Variants in GPA33 observed in about 807,000 individuals in gnomAD.
The protein encoded by GPA33 is cell surface A33 antigen.
Under a neutral mutation model 35.6 loss-of-function variants are expected in GPA33, and 27 were observed. That is an observed-to-expected ratio of 0.76 (90% CI 0.56 to 1.04). GPA33 has a LOEUF of 1.04. GPA33 is among the 50% of genes least tolerant of loss of function. The probability of loss-of-function intolerance (pLI) is 0.00; values close to 1 mark genes in which losing one functional copy is unlikely to be tolerated. For missense variants in GPA33, 428 were observed against 411.9 expected, an observed-to-expected ratio of 1.04 and a Z score of -0.34; for synonymous variants, 176 against 164.0, an observed-to-expected ratio of 1.07 and a Z score of -0.56.
At chr1:167,085,712 G>A (rs1355904916) in intron 1 of GPA33, among the ~76,000 whole-genome samples, 3 of 152,234 alleles carry the variant, frequency 2.0e-5, no homozygotes, top group Admixed American at 2.0e-4. Context: ...ATACCATTGA[G>A]CCCCCTAAAT....
chr1:167,066,997 G>T (rs771544178), intron 3 of GPA33, among the ~76,000 whole-genome samples: 4 of 152,204 alleles, frequency 2.6e-5, no homozygotes, highest in Non-Finnish European at 5.9e-5. Context: ...TAGCCTAGCT[G>T]CAAAGCCATT....
chr1:167,079,813 G>A (rs551575177), intron 1 of GPA33, among the ~76,000 whole-genome samples: 2 of 152,258 alleles, frequency 1.3e-5, no homozygotes, highest in East Asian at 3.9e-4. Context: ...GGCTTCTGAT[G>A]TTTGCAATCA....
At chr1:167,063,219 G>C (rs1026971528) in intron 4 of GPA33, among the ~76,000 whole-genome samples, 3 of 152,206 alleles carry the variant, frequency 2.0e-5, no homozygotes, top group African/African-American at 7.2e-5. Flanking sequence ...CCTGAGGTCA[G>C]GAGTTCAAGA....
chr1:167,063,484 G>A (rs948324864), intron 4 of GPA33, 98 bp downstream of exon 4: 40 of 1,054,628 alleles, frequency 3.8e-5, no homozygotes, highest in African/African-American at 1.3e-4. Flanking sequence ...GGCCTTCAGG[G>A]GGATCTGATC....
At chr1:167,060,311 G>A (rs1305805052) in intron 4 of GPA33, among the ~76,000 whole-genome samples, 1 of 152,070 alleles carries the variant, frequency 6.6e-6, no homozygotes, top group Non-Finnish European at 1.5e-5. Flanking sequence ...GTACTCAAGC[G>A]ATCCACCCGC....
chr1:167,056,709 A>ATGGC (rs1666285963), intron 4 of GPA33, among the ~76,000 whole-genome samples: 1 of 4,462 alleles, frequency 2.2e-4, no homozygotes. Flanking sequence ...TGGTGTGTGT[A>ATGGC]GTGTGTGTGT....
At chr1:167,066,265 A>G (rs921692145) in intron 3 of GPA33, among the ~76,000 whole-genome samples, 1 of 152,250 alleles carries the variant, frequency 6.6e-6, no homozygotes, top group African/African-American at 2.4e-5. Context: ...GAAGAAAAGT[A>G]ACTGAGGCCT....
intron 1 of GPA33, among the ~76,000 whole-genome samples, chr1:167,077,101 G>A (rs1666838545): frequency 6.6e-6 from 1 of 152,052 alleles, no homozygotes; most frequent in Non-Finnish European, 1.5e-5. Flanking sequence ...AGCTACTCAG[G>A]AGGCTGAGGC....
At chr1:167,071,435 C>A (rs1405544286) in intron 2 of GPA33, among the ~76,000 whole-genome samples, 2 of 152,172 alleles carry the variant, frequency 1.3e-5, no homozygotes, top group Admixed American at 6.5e-5. Flanking sequence ...GCGTGCAGTG[C>A]GCTTTGTGCA....
chr1:167,058,694 T>C (rs1294989679), intron 4 of GPA33, among the ~76,000 whole-genome samples: 1 of 152,194 alleles, frequency 6.6e-6, no homozygotes, highest in African/African-American at 2.4e-5. Flanking sequence ...GTATGTTTTC[T>C]GGAACATTGT....
chr1:167,063,862 A>G (rs1666527524), intron 3 of GPA33, 125 bp from the exon 4 acceptor site: 2 of 638,438 alleles, frequency 3.1e-6, no homozygotes, highest in Non-Finnish European at 2.6e-6. Flanking sequence ...AGAAAACTCC[A>G]TAGTTGAGTA....
rs539282850 is a variant in GPA33, at chr1:167,059,804, G to T, written c.571+3778C>A. Among the ~76,000 whole-genome samples the T allele has an allele frequency of 5.3e-5, 8 of 152,314 alleles. No homozygotes were observed. The South Asian group carries it at 1.7e-3, about 32-fold the overall frequency. ...GGCAGTACTAAGGGTCCGAGAGGCT[G>T]TGAGTGACTCACAGCTCCAAAGTGG... On this transcript the variant is annotated intron_variant, in intron 4 of 6. Coordinates refer to ENST00000367868, the MANE Select transcript of GPA33 (RefSeq NM_005814.3).
chr1:167,075,849 A>G (rs1174942125), intron 1 of GPA33, among the ~76,000 whole-genome samples: 2 of 152,236 alleles, frequency 1.3e-5, no homozygotes, highest in Admixed American at 1.3e-4. Flanking sequence ...CTAGGGAGAC[A>G]GGAAGAGAAC....
Position 167,059,090 on chromosome 1 carries a change from T to C in GPA33, c.572-3241A>G, listed in dbSNP as rs143084889. Among the ~76,000 whole-genome samples the C allele has an allele frequency of 1.6e-4, 25 of 152,292 alleles. No individual in the cohort carries two copies. In the East Asian group the frequency reaches 4.4e-3, roughly 27 times the overall value. On this transcript the variant is annotated intron_variant, in intron 4 of 6. Transcript: ENST00000367868. ...GTTGTCAGAGTCCAGCTTTGAGCTC[T>C]AGGCCTTGTTTAGGGTGGGGAACAT...
At chr1:167,059,030 T>C (rs1455737188) in intron 4 of GPA33, among the ~76,000 whole-genome samples, 1 of 152,228 alleles carries the variant, frequency 6.6e-6, no homozygotes, top group Non-Finnish European at 1.5e-5. Context: ...GGATTTAGTG[T>C]AGGCAGCACA....
At chr1:167,056,768 G>T (rs796515458) in intron 4 of GPA33, among the ~76,000 whole-genome samples, 2 of 37,492 alleles carry the variant, frequency 5.3e-5, no homozygotes, top group African/African-American at 1.1e-4. Flanking sequence ...CGTGTGTGTG[G>T]TGTGTGTGGC....
At position 167,069,060 on chromosome 1, in the gene GPA33, T is replaced by C. The variant is rs1470334197; in HGVS notation, c.277A>G (p.Asn93Asp). ...ELYKNRVSIS[N>D]NAEQSDASIT... ...GAGGCATCGGACTGCTCAGCATTGTTGGATATGCTGACGCGATTCTTATAA... is the reference window on the plus strand; with the variant it reads ...GAGGCATCGGACTGCTCAGCATTGTCGGATATGCTGACGCGATTCTTATAA... The change falls in exon 3 of 7, where the codon AAC (asparagine) becomes GAC (aspartate). Residue 93 changes from asparagine (N) to aspartate (D), a missense_variant. By Grantham distance (23) the Asn-to-Asp change is conservative (BLOSUM62 1). Transcript: ENST00000367868. 1.9e-6 allele frequency: 3 copies of C among 1,613,616 alleles called. No individual in the cohort carries two copies. Among genetic ancestry groups the C allele is most frequent in the Non-Finnish European group, 2.5e-6 (3 of 1,179,516 alleles).
intron 1 of GPA33, among the ~76,000 whole-genome samples, chr1:167,086,194 G>A (rs1667044052): frequency 6.6e-6 from 1 of 152,250 alleles, no homozygotes; most frequent in Non-Finnish European, 1.5e-5. Context: ...TACAAGCACT[G>A]GCTTCTGACT....
At chr1:167,059,872 C>A (rs1454594972) in intron 4 of GPA33, among the ~76,000 whole-genome samples, 1 of 152,170 alleles carries the variant, frequency 6.6e-6, no homozygotes, top group African/African-American at 2.4e-5. Context: ...ATTCCCTGTT[C>A]TTTTCACTGC....
Sources: allele counts gnomAD v4.1 joint callset (sites outside exome capture counted in the v4.1 genomes callset), GRCh38; gene constraint gnomAD v4.1.1; transcripts MANE v1.5; gene names NCBI Gene and HGNC (gene_info 2026-07-23, HGNC 2026-07-21).